Variants in WDTC1 observed in about 807,000 individuals in gnomAD.
WDTC1 encodes WD and tetratricopeptide repeats protein 1.
A neutral mutation model predicts 76.0 loss-of-function variants in WDTC1; 12 were observed. That is an observed-to-expected ratio of 0.16 (90% CI 0.10 to 0.26). WDTC1 has a LOEUF of 0.26. WDTC1 is among the 10% of genes least tolerant of loss of function. The pLI, the probability that WDTC1 is intolerant of heterozygous loss-of-function variation, is 1.00. For missense variants in WDTC1, 511 were observed against 908.8 expected, an observed-to-expected ratio of 0.56 and a Z score of 5.63; for synonymous variants, 326 against 350.8, an observed-to-expected ratio of 0.93 and a Z score of 0.79.
At chr1:27,241,038 T>A (rs908610557) in intron 1 of WDTC1, among the ~76,000 whole-genome samples, 5 of 151,316 alleles carry the variant, frequency 3.3e-5, no homozygotes, top group African/African-American at 1.2e-4. Flanking sequence ...GGCCAGAGTG[T>A]ATAGGAGGCA....
intron 14 of WDTC1, chr1:27,304,792 A>G (rs1456385183): frequency 3.9e-6 from 2 of 518,594 alleles, no homozygotes; most frequent in Non-Finnish European, 6.9e-6. Flanking sequence ...TCTTGGAGAA[A>G]TCCAGGTAGT....
At chr1:27,298,621 T>C (rs1202542087) in intron 12 of WDTC1, among the ~76,000 whole-genome samples, 1 of 152,230 alleles carries the variant, frequency 6.6e-6, no homozygotes, top group African/African-American at 2.4e-5. Flanking sequence ...AAGCTGGCTA[T>C]GGGTCACGCT....
chr1:27,275,126 A>G (rs1254905597), intron 3 of WDTC1, among the ~76,000 whole-genome samples: 1 of 152,168 alleles, frequency 6.6e-6, no homozygotes, highest in East Asian at 1.9e-4. Flanking sequence ...TTATCCTTAA[A>G]CAATTGCAAA....
intron 6 of WDTC1, among the ~76,000 whole-genome samples, chr1:27,289,529 C>T (rs979150016): frequency 6.6e-6 from 1 of 151,690 alleles, no homozygotes; most frequent in African/African-American, 2.4e-5. Context: ...GGGCTCCTCA[C>T]ATCCCAGACG....
intron 14 of WDTC1, chr1:27,304,097 GA>G (rs1346849738): frequency 1.2e-5 from 4 of 340,068 alleles, no homozygotes; most frequent in Non-Finnish European, 2.1e-5. Flanking sequence ...GCATGTGCCA[GA>G]GCTTGGTTTC....
At chr1:27,235,755 A>C (rs2011481005) in intron 1 of WDTC1, among the ~76,000 whole-genome samples, 1 of 151,942 alleles carries the variant, frequency 6.6e-6, no homozygotes, top group African/African-American at 2.4e-5. Context: ...GCCTGTAACT[A>C]ATGTCTTAAT....
Position 27,306,631 on chromosome 1 carries a change from C to T in WDTC1, c.*248C>T. On this transcript the variant is annotated 3_prime_UTR_variant, in exon 16 of 16. Transcript: ENST00000319394. The surrounding 1 kb of genome is among the most constrained non-coding windows in gnomAD (Gnocchi z 5.0). Reference sequence around the variant, plus strand: ...GCAGGAGGGGACACCCCTCCATATGCCCCCCCCCATCTCCTGCTTTCATGT... The same window carrying T: ...GCAGGAGGGGACACCCCTCCATATGTCCCCCCCCATCTCCTGCTTTCATGT... The T allele has an allele frequency of 8.3e-6, 4 of 484,594 alleles. No individual in the cohort carries two copies. Among genetic ancestry groups the T allele is most frequent in the Non-Finnish European group, 1.1e-5 (3 of 269,648 alleles). 30.0% of individuals were successfully genotyped at this position (484,594 alleles called of 1,614,324 possible). A position where few individuals can be genotyped will look rare whatever the true frequency, so the allele number is the denominator to read the frequency against.
At chr1:27,290,061 G>A (rs1191462096) in intron 6 of WDTC1, among the ~76,000 whole-genome samples, 1 of 151,096 alleles carries the variant, frequency 6.6e-6, no homozygotes, top group East Asian at 1.9e-4. Context: ...AGGGGGAGGG[G>A]GAGAGGGAGA....
Position 27,245,860 on chromosome 1 carries a change from G to T in WDTC1, c.-100+10909G>T, listed in dbSNP as rs368328419. 1.9e-4 allele frequency among the ~76,000 whole-genome samples: 29 copies of T among 151,640 alleles called. 1 individual carries two copies. In the East Asian group the frequency reaches 3.5e-3, roughly 18 times the overall value. On this transcript the variant is annotated intron_variant, in intron 1 of 15. Transcript: ENST00000319394. The stretch of plus-strand genomic sequence containing the variant: ...GCTGGGATTACAGGCATGAGCCACT[G>T]TAATCCTATGGGACATGCTATGGGA...
At chr1:27,292,788 G>T (rs1448867777) in intron 7 of WDTC1, among the ~76,000 whole-genome samples, 1 of 126,554 alleles carries the variant, frequency 7.9e-6, no homozygotes, top group East Asian at 2.3e-4. Flanking sequence ...TTGAGACAGA[G>T]TCTTGCTCTG....
chr1:27,278,977 A>G (rs540140191), intron 3 of WDTC1, among the ~76,000 whole-genome samples: 18 of 152,290 alleles, frequency 1.2e-4, no homozygotes, highest in African/African-American at 4.3e-4. Flanking sequence ...GCAGAGAATT[A>G]CTTGAACCTG....
At chr1:27,257,399 C>T (rs2012319481) in intron 1 of WDTC1, among the ~76,000 whole-genome samples, 1 of 152,048 alleles carries the variant, frequency 6.6e-6, no homozygotes, top group African/African-American at 2.4e-5. Context: ...TTAAGCAAGG[C>T]CACACAACTG....
chr1:27,304,894 G>A, intron 14 of WDTC1, 107 bp from the exon 15 acceptor site: 2 of 1,166,884 alleles, frequency 1.7e-6, no homozygotes, highest in South Asian at 1.6e-5. Context: ...GGGGGACTGA[G>A]TGGCTGCAGA....
chr1:27,267,249 C>CTTT (rs869288356), intron 3 of WDTC1, among the ~76,000 whole-genome samples: 2 of 140,232 alleles, frequency 1.4e-5, no homozygotes, highest in African/African-American at 2.6e-5. Flanking sequence ...GGATTACTTT[C>CTTT]TTTTTTTTTT....
At chr1:27,243,885 G>A (rs2011716042) in intron 1 of WDTC1, among the ~76,000 whole-genome samples, 1 of 151,448 alleles carries the variant, frequency 6.6e-6, no homozygotes, top group African/African-American at 2.4e-5. Flanking sequence ...CAACACTTTG[G>A]GAGGCTGAGG....
intron 3 of WDTC1, among the ~76,000 whole-genome samples, chr1:27,272,375 G>C (rs188952475): frequency 1.3e-5 from 2 of 152,134 alleles, no homozygotes; most frequent in Admixed American, 1.3e-4. Context: ...GGGATGAGGC[G>C]TGAGCCACCA....
chr1:27,254,663 C>T (rs1033366663), intron 1 of WDTC1, among the ~76,000 whole-genome samples: 1 of 151,894 alleles, frequency 6.6e-6, no homozygotes, highest in Non-Finnish European at 1.5e-5. Flanking sequence ...GACGGAGTTT[C>T]GCTCTGTCAT....
chr1:27,259,999 T>C (rs922761314), intron 1 of WDTC1, among the ~76,000 whole-genome samples: 1 of 152,172 alleles, frequency 6.6e-6, no homozygotes, highest in Non-Finnish European at 1.5e-5. Flanking sequence ...ATCATGCCAC[T>C]GCACTGCAGC....
chr1:27,308,606 G>T lies in WDTC1; in HGVS notation c.*2223G>T, dbSNP rs896397619. ...ATATATATAAAAAAAATGAACAAAAGTTTTACACAATAATATTTACCCTTG... is the reference window on the plus strand; with the variant it reads ...ATATATATAAAAAAAATGAACAAAATTTTTACACAATAATATTTACCCTTG... On this transcript the variant is annotated 3_prime_UTR_variant, in exon 16 of 16. Coordinates refer to ENST00000319394, the MANE Select transcript of WDTC1 (RefSeq NM_001276252.2). The T allele has an allele frequency of 2.6e-5, 4 of 151,990 alleles. No individual in the cohort carries two copies. Among genetic ancestry groups the T allele is most frequent in the Non-Finnish European group, 5.9e-5 (4 of 68,002 alleles). The allele number at this position is 151,990 out of a possible 1,614,324, so 9.4% of individuals were successfully genotyped here. A position where few individuals can be genotyped will look rare whatever the true frequency, so the allele number is the denominator to read the frequency against.
Sources: gnomAD v4.1 joint callset for allele counts (sites outside exome capture counted in the v4.1 genomes callset) on GRCh38, gnomAD v4.1.1 for gene constraint, Gnocchi (gnomAD v3.1) non-coding constraint, MANE v1.5 for transcripts, NCBI Gene and HGNC (gene_info 2026-07-23, HGNC 2026-07-21) for gene names.